The following ASB18 variants were observed in gnomAD, a reference collection of about 807,000 sequenced individuals.
The protein encoded by ASB18 is ankyrin repeat and SOCS box containing 18, also known as ankyrin repeat and SOCS box protein 18.
A neutral mutation model predicts 33.4 loss-of-function variants in ASB18; 33 were observed. The ratio of observed to expected loss-of-function variants is 0.99; its 90% confidence interval spans 0.75 to 1.32. ASB18 has a LOEUF of 1.32. Among genes scored for constraint, ASB18 ranks in the 40% most tolerant of loss-of-function variants. The pLI is 0.00. For missense variants in ASB18, 694 were observed against 655.5 expected (o/e 1.06, Z -0.64); for synonymous variants, 295 against 307.6 (o/e 0.96, Z 0.43).
rs1004932913 is a variant in ASB18 at position 236,225,592 on chromosome 2, G to A, written c.597-10726C>T. 6.6e-6 allele frequency among the ~76,000 whole-genome samples: 1 copy of A among 152,052 alleles called. No individual in the cohort carries two copies. Among genetic ancestry groups the A allele is most frequent in the African/African-American group, 2.4e-5 (1 of 41,398 alleles). ...ATTCTTTTCTTATTTTAATTATCTC[G>A]AATAAAAAGGGTCAAGGAGAGGAAT... On this transcript the variant is annotated intron_variant, in intron 3 of 5. Coordinates refer to ENST00000409749, the MANE Select transcript of ASB18 (RefSeq NM_212556.4). The surrounding 1 kb of genome is among the most constrained non-coding windows in gnomAD (Gnocchi z 5.1).
In ASB18 at chr2:236,208,859, A is replaced by G. The variant is rs1235869884; in HGVS notation, c.1101+5503T>C. Among the ~76,000 whole-genome samples, 4 of 152,202 alleles carry G rather than the reference A, an allele frequency of 2.6e-5. No homozygotes were observed. Among genetic ancestry groups the G allele is most frequent in the African/African-American group, 7.2e-5 (3 of 41,446 alleles). ...GAGGCGGCTGCCACATTACTCTGAC[A>G]TGCTGATGTCATTAGTGTCCACGCA... On this transcript the variant is annotated intron_variant, in intron 4 of 5. Coordinates refer to ENST00000409749, the MANE Select transcript of ASB18 (RefSeq NM_212556.4). This position sits in a 1 kb window ranked among gnomAD's most constrained non-coding sequence, Gnocchi z 7.7.
chr2:236,217,998 T>C lies in ASB18; in HGVS notation c.597-3132A>G, dbSNP rs984214361. On this transcript the variant is annotated intron_variant, in intron 3 of 5. Transcript: ENST00000409749. The surrounding 1 kb of genome is among the most constrained non-coding windows in gnomAD (Gnocchi z 5.2). The stretch of plus-strand genomic sequence containing the variant: ...CAAACAATTACAAAACATTTTCTTC[T>C]TTTTAAAGAAAAAATTTTTTTAAGC... Among the ~76,000 whole-genome samples the C allele has an allele frequency of 5.3e-5, 8 of 152,260 alleles. No homozygotes were observed. The highest frequency in any genetic ancestry group is 1.9e-4 in the African/African-American group (8 of 41,468).
rs2060582830 is a variant in ASB18 at position 236,235,254 on chromosome 2, G to C, written c.596+2435C>G. ...TTATACTGTACGTTTTCTATGTTTA[G>C]ATACACAAATACTTCCCATTGTGTT... On this transcript the variant is annotated intron_variant, in intron 3 of 5. Transcript: ENST00000409749. The surrounding 1 kb of genome is among the most constrained non-coding windows in gnomAD (Gnocchi z 6.2). Among the ~76,000 whole-genome samples the C allele has an allele frequency of 6.6e-6, 1 of 152,162 alleles. No homozygotes were observed. The highest frequency in any genetic ancestry group is 2.4e-5 in the African/African-American group (1 of 41,426).
In ASB18 at chr2:236,208,580, G is replaced by A. The variant is rs2060444557; in HGVS notation, c.1101+5782C>T. On this transcript the variant is annotated intron_variant, in intron 4 of 5. Transcript: ENST00000409749. This position sits in a 1 kb window ranked among gnomAD's most constrained non-coding sequence, Gnocchi z 7.7. ...CCGGACATGCCCCACCCTGGGAAGA[G>A]GTGCCCTCCATTAGAGCAAAAGCAC... Among the ~76,000 whole-genome samples the A allele has an allele frequency of 6.6e-6, 1 of 152,072 alleles. No homozygotes were observed. The highest frequency in any genetic ancestry group is 2.4e-5 in the African/African-American group (1 of 41,398).
Position 236,251,588 on chromosome 2 carries a change from A to AG in ASB18, c.206-10187dup, listed in dbSNP as rs2060669228. On this transcript the variant is annotated intron_variant, in intron 1 of 5. Transcript: ENST00000409749. This position sits in a 1 kb window ranked among gnomAD's most constrained non-coding sequence, Gnocchi z 5.3. ...AAGTTTACCTATCCTGAAGTTGAGAAGGGTGGTCTAGGAGACAATTTGGTC... is the reference window on the plus strand; with the variant it reads ...AAGTTTACCTATCCTGAAGTTGAGAAGGGGTGGTCTAGGAGACAATTTGGTC... Among the ~76,000 whole-genome samples, 1 of 152,190 alleles carries AG rather than the reference A, an allele frequency of 6.6e-6. No homozygotes were observed. The highest frequency in any genetic ancestry group is 6.5e-5 in the Admixed American group (1 of 15,268).
rs2060415746 is a variant in ASB18, at chr2:236,203,418, G to A, written c.1102-7033C>T. Among the ~76,000 whole-genome samples, 1 of 152,146 alleles carries A rather than the reference G, an allele frequency of 6.6e-6. No homozygotes were observed. Among genetic ancestry groups the A allele is most frequent in the Admixed American group, 6.5e-5 (1 of 15,268 alleles). On this transcript the variant is annotated intron_variant, in intron 4 of 5. Transcript: ENST00000409749. The surrounding 1 kb of genome is among the most constrained non-coding windows in gnomAD (Gnocchi z 6.0). ...AGAAGGAGCAAATAATGTTGGCTGGGGCATGAGTCTGACATGGGGAGTGCT... is the reference window on the plus strand; with the variant it reads ...AGAAGGAGCAAATAATGTTGGCTGGAGCATGAGTCTGACATGGGGAGTGCT...
chr2:236,237,775 C>G lies in ASB18; in HGVS notation c.510G>C (p.Leu170=). Residue 170 remains leucine, a synonymous_variant, in exon 3 of 6, where the codon CTG becomes CTC. Transcript: ENST00000409749. This position sits in a 1 kb window ranked among gnomAD's most constrained non-coding sequence, Gnocchi z 6.2. ...CLGGHTACVR[L]LLQHRADPDL... ...CGGGGTCGGCGCGGTGCTGCAGCAGCAGGCGGACGCAGGCGGTGTGGCCCC... is the reference window on the plus strand; with the variant it reads ...CGGGGTCGGCGCGGTGCTGCAGCAGGAGGCGGACGCAGGCGGTGTGGCCCC... The G allele has an allele frequency of 6.9e-7, 1 of 1,442,162 alleles. No homozygotes were observed. The highest frequency in any genetic ancestry group is 1.5e-5 in the African/African-American group (1 of 67,480). The allele number at this position is 1,442,162 out of a possible 1,614,324, so 89.3% of individuals were successfully genotyped here. A position where few individuals can be genotyped will look rare whatever the true frequency, so the allele number is the denominator to read the frequency against.
chr2:236,233,173 A>T (rs1203897135), intron 3 of ASB18, among the ~76,000 whole-genome samples: 1 of 152,174 alleles, frequency 6.6e-6, no homozygotes, highest in African/African-American at 2.4e-5. Context: ...TTATATTAAC[A>T]GACAAAACTT....
intron 3 of ASB18, among the ~76,000 whole-genome samples, chr2:236,224,245 A>G (rs1262664207): frequency 9.0e-6 from 1 of 111,676 alleles, no homozygotes; most frequent in East Asian, 2.8e-4. Flanking sequence ...AATGGTGAAT[A>G]TTTATTTGTG....
chr2:236,199,816 A>G (rs2060391514), intron 4 of ASB18, among the ~76,000 whole-genome samples: 1 of 152,064 alleles, frequency 6.6e-6, no homozygotes, highest in Non-Finnish European at 1.5e-5. Context: ...GAATATTTTA[A>G]CAAGTAGACC....
rs186596745 is a variant in ASB18, at chr2:236,251,257, G to A, written c.206-9855C>T. ...GCTGTGGATGAGTGCAAAACACAGCGGCCCAATCCTCAGCGTGCACAACCA... is the reference window on the plus strand; with the variant it reads ...GCTGTGGATGAGTGCAAAACACAGCAGCCCAATCCTCAGCGTGCACAACCA... On this transcript the variant is annotated intron_variant, in intron 1 of 5. Coordinates refer to ENST00000409749, the MANE Select transcript of ASB18 (RefSeq NM_212556.4). This position sits in a 1 kb window ranked among gnomAD's most constrained non-coding sequence, Gnocchi z 5.3. 3.9e-5 allele frequency among the ~76,000 whole-genome samples: 6 copies of A among 152,262 alleles called. No homozygotes were observed. In the East Asian group the frequency reaches 5.8e-4, roughly 15 times the overall value.
In ASB18 at chr2:236,244,236, A is replaced by G. The variant is rs1248012778; in HGVS notation, c.206-2834T>C. 2.0e-5 allele frequency among the ~76,000 whole-genome samples: 3 copies of G among 152,230 alleles called. No individual in the cohort carries two copies. The highest frequency in any genetic ancestry group is 4.4e-5 in the Non-Finnish European group (3 of 68,046). On this transcript the variant is annotated intron_variant, in intron 1 of 5. Transcript: ENST00000409749. The surrounding 1 kb of genome is among the most constrained non-coding windows in gnomAD (Gnocchi z 6.1). Reference sequence around the variant, plus strand: ...TTGGCCTGTGCACATGAGTTACGATACAAACTATATGAGCAGAGGCTGGAG... The same window carrying G: ...TTGGCCTGTGCACATGAGTTACGATGCAAACTATATGAGCAGAGGCTGGAG...
In ASB18 at chr2:236,223,419, G is replaced by C. The variant is rs929122529; in HGVS notation, c.597-8553C>G. Among the ~76,000 whole-genome samples the C allele has an allele frequency of 2.6e-5, 4 of 152,198 alleles. No homozygotes were observed. The highest frequency in any genetic ancestry group is 9.6e-5 in the African/African-American group (4 of 41,458). ...GCATCAGAGTGAGTGGAAAGAAAAG[G>C]AGGAAATGGAAAAGAAAAGACTCTA... is the stretch of plus-strand genomic sequence containing the variant. On this transcript the variant is annotated intron_variant, in intron 3 of 5. Transcript: ENST00000409749. The surrounding 1 kb of genome is among the most constrained non-coding windows in gnomAD (Gnocchi z 4.6).
At chr2:236,202,959 T>C (rs1309005008) in intron 4 of ASB18, among the ~76,000 whole-genome samples, 4 of 152,000 alleles carry the variant, frequency 2.6e-5, no homozygotes, top group Admixed American at 6.6e-5. Context: ...CAGGTTGTCA[T>C]TATTATATGA....
At chr2:236,240,829 C>T (rs1225395500) in intron 2 of ASB18, among the ~76,000 whole-genome samples, 2 of 152,228 alleles carry the variant, frequency 1.3e-5, no homozygotes, top group African/African-American at 4.8e-5. Context: ...TCCTGGGGTC[C>T]TGCCTCTACT....
rs1597939 is a variant in ASB18 at position 236,235,290 on chromosome 2, A to G, written c.596+2399T>C. Reference sequence around the variant, plus strand: ...ACTTCCCATTGTGTTACAATTCCCTACAGTATTCAGTACAGTAGCATGCTG... The same window carrying G: ...ACTTCCCATTGTGTTACAATTCCCTGCAGTATTCAGTACAGTAGCATGCTG... On this transcript the variant is annotated intron_variant, in intron 3 of 5. Transcript: ENST00000409749. This position sits in a 1 kb window ranked among gnomAD's most constrained non-coding sequence, Gnocchi z 6.2. Among the ~76,000 whole-genome samples, 1,554 of 152,314 alleles carry G rather than the reference A, an allele frequency of 0.01. 40 individuals are homozygous for G. The highest frequency in any genetic ancestry group is 0.035 in the African/African-American group (1,469 of 41,560).
rs1235863949 is a variant in ASB18, at chr2:236,229,648, C to A, written c.596+8041G>T. On this transcript the variant is annotated intron_variant, in intron 3 of 5. Transcript: ENST00000409749. The surrounding 1 kb of genome is among the most constrained non-coding windows in gnomAD (Gnocchi z 5.2). The stretch of plus-strand genomic sequence containing the variant: ...CCTGAGGTCAGGGGTTCAAGACTAA[C>A]CTGGCCAACATGGTGAAATCCTGGC... Among the ~76,000 whole-genome samples, 1 of 152,100 alleles carries A rather than the reference C, an allele frequency of 6.6e-6. No homozygotes were observed. Among genetic ancestry groups the A allele is most frequent in the Non-Finnish European group, 1.5e-5 (1 of 68,018 alleles).
chr2:236,225,167 G>A lies in ASB18; in HGVS notation c.597-10301C>T, dbSNP rs983210990. 2.0e-5 allele frequency among the ~76,000 whole-genome samples: 3 copies of A among 152,050 alleles called. No individual in the cohort carries two copies. The highest frequency in any genetic ancestry group is 6.5e-5 in the Admixed American group (1 of 15,278). The stretch of plus-strand genomic sequence containing the variant: ...GACAGAGTCTCACTCTGTCACTCAG[G>A]TTGCAGTGCAGTGACATGATCATGA... On this transcript the variant is annotated intron_variant, in intron 3 of 5. Transcript: ENST00000409749. The surrounding 1 kb of genome is among the most constrained non-coding windows in gnomAD (Gnocchi z 5.1).
Position 236,204,782 on chromosome 2 carries a change from C to T in ASB18, c.1102-8397G>A, listed in dbSNP as rs1314581573. On this transcript the variant is annotated intron_variant, in intron 4 of 5. Coordinates refer to ENST00000409749, the MANE Select transcript of ASB18 (RefSeq NM_212556.4). The surrounding 1 kb of genome is among the most constrained non-coding windows in gnomAD (Gnocchi z 5.1). ...TCATCCATTGCTCCTGTTTCTCCTA[C>T]ACTCCACATACCAAAAACTGAACTC... Among the ~76,000 whole-genome samples the T allele has an allele frequency of 6.6e-6, 1 of 151,886 alleles. No individual in the cohort carries two copies. The highest frequency in any genetic ancestry group is 2.4e-5 in the African/African-American group (1 of 41,284).
Sources: allele counts gnomAD v4.1 joint callset (sites outside exome capture counted in the v4.1 genomes callset), GRCh38; gene constraint gnomAD v4.1.1; non-coding constraint Gnocchi (gnomAD v3.1); transcripts MANE v1.5; gene names NCBI Gene and HGNC (gene_info 2026-07-23, HGNC 2026-07-21).